Variants in ITPR2 observed in about 807,000 individuals in gnomAD.
ITPR2 encodes inositol 1,4,5-trisphosphate-gated calcium channel ITPR2.
ITPR2 carries 207 observed loss-of-function variants against 317.1 expected under a neutral mutation model. That is an observed-to-expected ratio of 0.65 (90% confidence interval 0.58 to 0.73). ITPR2 has a LOEUF of 0.73. Among genes scored for constraint, ITPR2 ranks in the 30% least tolerant of loss-of-function variants. The pLI, the probability that ITPR2 is intolerant of heterozygous loss-of-function variation, is 0.00. For missense variants in ITPR2, 2,613 were observed against 3,284.0 expected (o/e 0.80, Z 4.99); for synonymous variants, 1,156 against 1,149.1 (o/e 1.01, Z -0.12).
chr12:26,579,104 A>C (rs1232156611), intron 33 of ITPR2, among the ~76,000 whole-genome samples: 2 of 152,172 alleles, frequency 1.3e-5, no homozygotes, highest in South Asian at 4.1e-4. Flanking sequence ...GAAGCCAATG[A>C]CATGAATATC....
At chr12:26,409,724 AAGG>A (rs1426019205) in intron 52 of ITPR2, among the ~76,000 whole-genome samples, 1 of 152,174 alleles carries the variant, frequency 6.6e-6, no homozygotes, top group African/African-American at 2.4e-5. Context: ...TGAGGACATG[AAGG>A]AGAATAAATA....
At chr12:26,735,440 T>A (rs1949104760) in intron 2 of ITPR2, among the ~76,000 whole-genome samples, 1 of 139,816 alleles carries the variant, frequency 7.2e-6, no homozygotes, top group African/African-American at 2.7e-5. Flanking sequence ...AGGAAAAGAG[T>A]AAGGGAAGGG....
At chr12:26,745,070 C>G (rs1371281801) in intron 2 of ITPR2, among the ~76,000 whole-genome samples, 1 of 152,202 alleles carries the variant, frequency 6.6e-6, no homozygotes, top group Non-Finnish European at 1.5e-5. Flanking sequence ...TATAAGTGTT[C>G]TCAGGGTCAT....
intron 34 of ITPR2, 77 bp downstream of exon 34, chr12:26,578,636 G>A (rs1283765502): frequency 2.0e-5 from 26 of 1,314,122 alleles, no homozygotes; most frequent in African/African-American, 2.9e-5. Flanking sequence ...TTGGGAAGCT[G>A]CTTGTGTTGC....
intron 51 of ITPR2, among the ~76,000 whole-genome samples, chr12:26,413,610 G>A (rs897187265): frequency 6.6e-6 from 1 of 152,130 alleles, no homozygotes; most frequent in Non-Finnish European, 1.5e-5. Context: ...CTCAGTCTAT[G>A]AAACAAACAC....
intron 55 of ITPR2, among the ~76,000 whole-genome samples, chr12:26,358,769 C>T (rs553220701): frequency 8.5e-5 from 13 of 152,156 alleles, no homozygotes; most frequent in African/African-American, 2.9e-4. Flanking sequence ...CAGTCTCTGT[C>T]CCCCTCCCCT....
At chr12:26,401,287 A>T (rs1940170568) in intron 52 of ITPR2, among the ~76,000 whole-genome samples, 1 of 152,158 alleles carries the variant, frequency 6.6e-6, no homozygotes, top group Non-Finnish European at 1.5e-5. Flanking sequence ...AGAGATTGGC[A>T]TACACACAAT....
chr12:26,395,287 G>C (rs7311612), intron 54 of ITPR2, among the ~76,000 whole-genome samples: 3,609 of 152,216 alleles, frequency 0.024, 92 homozygotes, highest in African/African-American at 0.068. Context: ...TCAGCGGGAA[G>C]TTAACAGTGA....
At chr12:26,550,444 C>T (rs1944496791) in intron 36 of ITPR2, 89 bp from the exon 37 acceptor site, 1 of 656,786 alleles carries the variant, frequency 1.5e-6, no homozygotes. Flanking sequence ...AAAAAATTTA[C>T]ACAATTATTT....
intron 52 of ITPR2, among the ~76,000 whole-genome samples, chr12:26,408,682 A>G (rs1461711787): frequency 3.9e-5 from 6 of 152,164 alleles, no homozygotes; most frequent in Non-Finnish European, 7.3e-5. Context: ...ATACTCTGGA[A>G]CAACAAGTAC....
chr12:26,737,325 A>G (rs528806423), intron 2 of ITPR2, among the ~76,000 whole-genome samples: 7 of 151,126 alleles, frequency 4.6e-5, no homozygotes, highest in African/African-American at 1.7e-4. Context: ...GCGCTATCTC[A>G]GCTCACTGCA....
chr12:26,351,833 C>T (rs1938493289), intron 55 of ITPR2, among the ~76,000 whole-genome samples: 1 of 152,140 alleles, frequency 6.6e-6, no homozygotes, highest in Non-Finnish European at 1.5e-5. Context: ...TATTAATTTC[C>T]ATATTTTAAT....
At chr12:26,467,544 C>A (rs1362413235) in intron 45 of ITPR2, among the ~76,000 whole-genome samples, 1 of 152,130 alleles carries the variant, frequency 6.6e-6, no homozygotes, top group African/African-American at 2.4e-5. Context: ...TCCTATTAGA[C>A]TTTGAATTCA....
intron 1 of ITPR2, among the ~76,000 whole-genome samples, chr12:26,795,136 T>C (rs975889208): frequency 2.6e-5 from 4 of 152,192 alleles, no homozygotes; most frequent in African/African-American, 9.7e-5. Context: ...CCTTCCTGAT[T>C]TGTGCCATAT....
In ITPR2 at chr12:26,339,409, C is replaced by A; in HGVS notation, c.8094G>T (p.Met2698Ile). 1.2e-6 allele frequency: 2 copies of A among 1,613,532 alleles called. No homozygotes were observed. The highest frequency in any genetic ancestry group is 1.7e-6 in the Non-Finnish European group (2 of 1,179,600). ...GSNTPHVNHH[M>I]PPH ...TCCCCCCATGGTATCAGTGTGGTGG[C>A]ATGTGATGATTCACATGGGGTGTGT... is the stretch of plus-strand genomic sequence containing the variant. Residue 2698 changes from methionine (M) to isoleucine (I), a missense_variant, in exon 57 of 57, where the codon ATG becomes ATT. Physicochemically the swap from Met to Ile is conservative, Grantham distance 10 (BLOSUM62 1). This residue lies in a region of ITPR2 where 119 missense variants were observed against 144.3 expected (regional missense o/e 0.82). Coordinates refer to ENST00000381340, the MANE Select transcript of ITPR2 (RefSeq NM_002223.4).
At chr12:26,748,765 G>T (rs1296689339) in intron 2 of ITPR2, among the ~76,000 whole-genome samples, 1 of 152,156 alleles carries the variant, frequency 6.6e-6, no homozygotes, top group Non-Finnish European at 1.5e-5. Flanking sequence ...AAACCCATGG[G>T]TGATGAGTCA....
rs1745347287 is a variant in ITPR2 at position 26,415,155 on chromosome 12, C to G, written c.7306+148G>C. 7.4e-6 allele frequency: 4 copies of G among 541,444 alleles called. No individual in the cohort carries two copies. The South Asian group carries it at 1.3e-4, about 17-fold the overall frequency. 33.5% of individuals were successfully genotyped at this position (541,444 alleles called of 1,614,324 possible). Reference sequence around the variant, plus strand: ...ATACAGCCTAAGAGTACTTCACATTCCTGACTCTTAGTAGTAAACAAAACA... The same window carrying G: ...ATACAGCCTAAGAGTACTTCACATTGCTGACTCTTAGTAGTAAACAAAACA... On this transcript the variant is annotated intron_variant, in intron 51 of 56. Coordinates refer to ENST00000381340, the MANE Select transcript of ITPR2 (RefSeq NM_002223.4).
intron 52 of ITPR2, among the ~76,000 whole-genome samples, chr12:26,401,279 A>C (rs1321586360): frequency 6.6e-6 from 1 of 152,168 alleles, no homozygotes; most frequent in Admixed American, 6.5e-5. Flanking sequence ...CTTTGCACAG[A>C]GATTGGCATA....
intron 2 of ITPR2, among the ~76,000 whole-genome samples, chr12:26,732,610 A>C (rs2137064619): frequency 6.6e-6 from 1 of 152,310 alleles, no homozygotes; most frequent in East Asian, 1.9e-4. Context: ...TATTTTCTCC[A>C]TGTTACAGAG....
Sources: allele counts gnomAD v4.1 joint callset (sites outside exome capture counted in the v4.1 genomes callset), GRCh38; gene constraint gnomAD v4.1.1; regional missense constraint gnomAD v4.1.1; transcripts MANE v1.5; gene names NCBI Gene and HGNC (gene_info 2026-07-23, HGNC 2026-07-21).